The following SEC14L1 variants were observed in gnomAD, a reference collection of about 807,000 sequenced individuals.
SEC14L1 encodes the protein SEC14-like protein 1.
In SEC14L1, 48 loss-of-function variants were observed where a neutral mutation model predicts 85.3. The observed-to-expected ratio is 0.56, with a 90% CI of 0.45 to 0.72. SEC14L1 has a LOEUF of 0.72. Among genes scored for constraint, SEC14L1 ranks in the 30% least tolerant of loss-of-function variants. The probability of loss-of-function intolerance (pLI) is 0.00; values close to 1 mark genes in which losing one functional copy is unlikely to be tolerated. For missense variants in SEC14L1, 682 were observed against 921.4 expected (o/e 0.74, Z 3.36); for synonymous variants, 391 against 355.5 (o/e 1.10, Z -1.12).
chr17:77,149,256 G>T (rs1973450570), intron 3 of SEC14L1, among the ~76,000 whole-genome samples: 1 of 152,204 alleles, frequency 6.6e-6, no homozygotes, highest in Admixed American at 6.5e-5. Flanking sequence ...TCCTTCCAGG[G>T]CAGTGACCTT....
At chr17:77,113,556 CA>C (rs1972096445) in intron 3 of SEC14L1, among the ~76,000 whole-genome samples, 1 of 152,084 alleles carries the variant, frequency 6.6e-6, no homozygotes, top group African/African-American at 2.4e-5. Context: ...CCAGCCTGGC[CA>C]ACATGGTGAA....
Position 77,214,465 on chromosome 17 carries a change from T to G in SEC14L1, c.*442T>G. 1.0e-6 allele frequency: 1 copy of G among 1,001,964 alleles called. No homozygotes were observed. Among genetic ancestry groups the G allele is most frequent in the Non-Finnish European group, 1.2e-6 (1 of 839,226 alleles). 62.1% of individuals were successfully genotyped at this position (1,001,964 alleles called of 1,614,324 possible). On this transcript the variant is annotated 3_prime_UTR_variant, in exon 17 of 17. Transcript: ENST00000436233. ...AGCTCGCTTCCCCCAAGCTGCCTCA[T>G]GGCCCGCACGCCGCCTCACGGCCCC...
At position 77,216,800 on chromosome 17, in the gene SEC14L1, C is replaced by A; in HGVS notation, c.*2777C>A. The A allele has an allele frequency of 1.6e-6, 1 of 644,960 alleles. No individual in the cohort carries two copies. The highest frequency in any genetic ancestry group is 2.5e-6 in the Non-Finnish European group (1 of 396,890). 40.0% of individuals were successfully genotyped at this position (644,960 alleles called of 1,614,324 possible). A position where few individuals can be genotyped will look rare whatever the true frequency, so the allele number is the denominator to read the frequency against. On this transcript the variant is annotated 3_prime_UTR_variant, in exon 17 of 17. Transcript: ENST00000436233. Reference sequence around the variant, plus strand: ...CCTCCCGAGTAATCCAATCTCACTCCCCTTGTAAGGGAATTCTGGGGCAGC... The same window carrying A: ...CCTCCCGAGTAATCCAATCTCACTCACCTTGTAAGGGAATTCTGGGGCAGC...
At chr17:77,204,522 C>CATTTTTTT (rs1555628453) in intron 10 of SEC14L1, among the ~76,000 whole-genome samples, 2 of 84,728 alleles carry the variant, frequency 2.4e-5, no homozygotes. Context: ...GCCCAGCCAG[C>CATTTTTTT]TTTTTTTTTT....
chr17:77,186,007 A>T (rs867977853), intron 3 of SEC14L1, among the ~76,000 whole-genome samples: 2 of 152,350 alleles, frequency 1.3e-5, no homozygotes, highest in Middle Eastern at 3.4e-3. Flanking sequence ...ATATATTTTT[A>T]ACTTCCAAAG....
chr17:77,104,718 G>C (rs143829479), intron 3 of SEC14L1, among the ~76,000 whole-genome samples: 4,635 of 150,696 alleles, frequency 0.031, 251 homozygotes, highest in African/African-American at 0.11. Context: ...TTGAACCCAG[G>C]GGGTGGAGGT....
chr17:77,109,464 C>T (rs1247481035), intron 3 of SEC14L1, among the ~76,000 whole-genome samples: 1 of 152,196 alleles, frequency 6.6e-6, no homozygotes, highest in Non-Finnish European at 1.5e-5. Flanking sequence ...TGACTTGAGA[C>T]TGAAACTGGC....
intron 10 of SEC14L1, 79 bp from the exon 11 acceptor site, chr17:77,205,197 T>C: frequency 1.7e-6 from 2 of 1,199,844 alleles, no homozygotes; most frequent in South Asian, 2.5e-5. Flanking sequence ...ACGCTGTTAG[T>C]GTCCCTCTTC....
At chr17:77,178,065 C>CCCCCCT (rs1974842416) in intron 3 of SEC14L1, among the ~76,000 whole-genome samples, 1 of 136,442 alleles carries the variant, frequency 7.3e-6, no homozygotes, top group Non-Finnish European at 1.6e-5. Flanking sequence ...TCCCCCCCCC[C>CCCCCCT]TTTTTTTTTT....
chr17:77,109,101 C>T (rs1971991156), intron 3 of SEC14L1, among the ~76,000 whole-genome samples: 3 of 152,164 alleles, frequency 2.0e-5, no homozygotes, highest in South Asian at 2.1e-4. Context: ...GGATTACAGG[C>T]GTGAGCCACC....
At chr17:77,145,105 GTGTGT>G (rs1973234274) in intron 3 of SEC14L1, 1 of 74,538 alleles carries the variant, frequency 1.3e-5, no homozygotes, top group African/African-American at 5.2e-5. Context: ...ATGTATGTGT[GTGTGT>G]GTGTGTGTGT....
intron 3 of SEC14L1, chr17:77,098,871 A>G (rs762482235): frequency 6.6e-6 from 1 of 152,222 alleles, no homozygotes; most frequent in Admixed American, 6.5e-5. Context: ...AACAGAGTAG[A>G]TATGTGTGTT....
chr17:77,092,262 A>G (rs1438852179), intron 2 of SEC14L1, among the ~76,000 whole-genome samples: 2 of 152,236 alleles, frequency 1.3e-5, no homozygotes, highest in Non-Finnish European at 2.9e-5. Context: ...GGGTAAGCAC[A>G]TTGAGTCATA....
intron 3 of SEC14L1, among the ~76,000 whole-genome samples, chr17:77,168,018 T>C (rs1691622326): frequency 6.6e-6 from 1 of 152,228 alleles, no homozygotes; most frequent in South Asian, 2.1e-4. Context: ...TGGCTAGGGT[T>C]GGACCATACA....
At chr17:77,200,394 C>G (rs1976070366) in intron 8 of SEC14L1, 90 bp from the exon 9 acceptor site, 2 of 1,012,536 alleles carry the variant, frequency 2.0e-6, no homozygotes, top group African/African-American at 1.6e-5. Context: ...GTCTTGAACT[C>G]CTGAGCTCAA....
At chr17:77,120,738 AAGTGTTAGGATTAC>A (rs1285293848) in intron 3 of SEC14L1, among the ~76,000 whole-genome samples, 1 of 152,074 alleles carries the variant, frequency 6.6e-6, no homozygotes, top group Non-Finnish European at 1.5e-5. Context: ...CGGCCTCCCA[AAGTGTTAGGATTAC>A]AGGCGTGAGC....
At chr17:77,193,792 G>C (rs1975660706) in intron 6 of SEC14L1, among the ~76,000 whole-genome samples, 1 of 152,190 alleles carries the variant, frequency 6.6e-6, no homozygotes, top group Non-Finnish European at 1.5e-5. Context: ...TGCTGAGAGA[G>C]TTAGAAGTTG....
intron 3 of SEC14L1, among the ~76,000 whole-genome samples, chr17:77,104,532 C>T (rs1323457959): frequency 6.7e-6 from 1 of 148,768 alleles, no homozygotes; most frequent in East Asian, 2.0e-4. Context: ...TGGCTCACGC[C>T]TATAATCCTA....
intron 3 of SEC14L1, among the ~76,000 whole-genome samples, chr17:77,164,773 A>G (rs1026159952): frequency 6.6e-6 from 1 of 152,178 alleles, no homozygotes; most frequent in Non-Finnish European, 1.5e-5. Flanking sequence ...CTGAGCTTAA[A>G]ATAGCTGAAG....
Sources: allele counts gnomAD v4.1 joint callset (sites outside exome capture counted in the v4.1 genomes callset), GRCh38; gene constraint gnomAD v4.1.1; transcripts MANE v1.5; gene names NCBI Gene and HGNC (gene_info 2026-07-23, HGNC 2026-07-21).